COX11: variants seen among roughly 807,000 people sequenced by gnomAD.
COX11 encodes cytochrome c oxidase assembly protein COX11, mitochondrial.
COX11 carries 18 observed loss-of-function variants against 29.4 expected under a neutral mutation model. That is an observed-to-expected ratio of 0.61 (90% CI 0.42 to 0.91). The LOEUF (loss-of-function observed/expected upper bound fraction) is 0.91. COX11 is among the 40% of genes least tolerant of loss of function. The pLI is 0.00. For missense variants in COX11, 312 were observed against 346.0 expected, an observed-to-expected ratio of 0.90 and a Z score of 0.78; for synonymous variants, 131 against 124.0, an observed-to-expected ratio of 1.06 and a Z score of -0.38.
At chr17:54,952,703 G>C (rs2049298032) in exon 1 of COX11, 1 of 152,084 alleles carries the variant, frequency 6.6e-6, no homozygotes. Context: ...CCTCCTCCCT[G>C]TTCTGCTAAG....
rs191922071 is a variant in COX11 at position 54,963,815 on chromosome 17, C to A, written c.523-384G>T. On this transcript the variant is annotated intron_variant, in intron 2 of 3. Coordinates refer to ENST00000299335, the MANE Select transcript of COX11 (RefSeq NM_004375.5). ...ATTGACTATTTTTTTTAAAAAGATA[C>A]CAACATTAAACTTACCTTAAAATCA... 1.0e-3 allele frequency among the ~76,000 whole-genome samples: 153 copies of A among 151,962 alleles called. 1 individual carries two copies. The highest frequency in any genetic ancestry group is 1.6e-3 in the Non-Finnish European group (111 of 67,870).
chr17:54,968,740 C>G (rs566917694), upstream of COX11: 87 of 1,434,772 alleles, frequency 6.1e-5, 1 homozygote, highest in South Asian at 1.2e-3. Context: ...TTGAGCCTGC[C>G]GCTGCCTTGG....
chr17:54,954,495 G>A (rs2049393978), exon 1 of COX11: 2 of 152,298 alleles, frequency 1.3e-5, no homozygotes, highest in South Asian at 4.1e-4. Context: ...TATTGCCATA[G>A]CAGGAGCCAC....
downstream of COX11, among the ~76,000 whole-genome samples, chr17:54,956,133 C>T (rs2049489581): frequency 6.6e-6 from 1 of 152,188 alleles, no homozygotes; most frequent in Non-Finnish European, 1.5e-5. Flanking sequence ...GACAACTCTC[C>T]ATGAGAACAC....
At chr17:54,956,293 T>C (rs8066750), downstream of COX11, among the ~76,000 whole-genome samples, 113,059 of 151,866 alleles carry the variant, frequency 0.74, 42,564 homozygotes, top group African/African-American at 0.84. Flanking sequence ...TATTGGGGTG[T>C]GCTACCATGC....
intron 1 of COX11, among the ~76,000 whole-genome samples, chr17:54,965,300 A>G (rs1053453730): frequency 6.6e-6 from 1 of 152,202 alleles, no homozygotes; most frequent in African/African-American, 2.4e-5. Context: ...GTCCTTTTCC[A>G]TATCACAGCT....
At chr17:54,957,595 G>T (rs1405553021), downstream of COX11, 3 of 152,128 alleles carry the variant, frequency 2.0e-5, no homozygotes, top group Non-Finnish European at 4.4e-5. Flanking sequence ...CTTTCTTTCT[G>T]GGGGTCAGAA....
chr17:54,964,127 C>T (rs936756689), intron 2 of COX11, among the ~76,000 whole-genome samples: 5 of 152,078 alleles, frequency 3.3e-5, no homozygotes, highest in African/African-American at 1.2e-4. Flanking sequence ...CTGGCTAATC[C>T]TCAATTAATG....
At position 54,961,373 on chromosome 17, in the gene COX11, G is replaced by T. The variant is rs1434705240; in HGVS notation, c.*1360C>A. 6.5e-7 allele frequency: 1 copy of T among 1,550,182 alleles called. No homozygotes were observed. The highest frequency in any genetic ancestry group is 2.4e-5 in the East Asian group (1 of 40,902). ...GGTGGCACATTTCTGCTATAATGAA[G>T]ATTAAATAGAATAACAGTTCCAGGA... On this transcript the variant is annotated 3_prime_UTR_variant, in exon 4 of 4. Coordinates refer to ENST00000299335, the MANE Select transcript of COX11 (RefSeq NM_004375.5).
At chr17:54,968,655 G>GAACT, upstream of COX11, 1 of 1,599,990 alleles carries the variant, frequency 6.3e-7, no homozygotes, top group Non-Finnish European at 8.5e-7. Context: ...ATAACCCTCT[G>GAACT]AACTAACACC....
intron 1 of COX11, 116 bp from the exon 2 acceptor site, chr17:54,964,968 T>A: frequency 1.1e-6 from 1 of 928,040 alleles, no homozygotes; most frequent in Non-Finnish European, 1.6e-6. Context: ...CAAGTTTACA[T>A]ATGGTAACTG....
At position 54,960,647 on chromosome 17, in the gene COX11, C is replaced by T. The variant is rs2077096926; in HGVS notation, c.*2086G>A. On this transcript the variant is annotated 3_prime_UTR_variant, in exon 4 of 4. Transcript: ENST00000299335. ...ACTGAGGTAAAGACTTCAACTTATACAACTTAATTCCATATTCCATATAAT... is the reference window on the plus strand; with the variant it reads ...ACTGAGGTAAAGACTTCAACTTATATAACTTAATTCCATATTCCATATAAT... The T allele has an allele frequency of 1.3e-6, 2 of 1,549,938 alleles. No homozygotes were observed. The highest frequency in any genetic ancestry group is 2.7e-5 in the African/African-American group (2 of 73,564).
At chr17:54,963,941 A>G (rs2077175611) in intron 2 of COX11, among the ~76,000 whole-genome samples, 1 of 152,130 alleles carries the variant, frequency 6.6e-6, no homozygotes, top group South Asian at 2.1e-4. Context: ...TCCAAAGGAT[A>G]TTCTGTCACT....
intron 3 of COX11, 179 bp downstream of exon 3, chr17:54,963,127 T>C (rs540081603): frequency 2.5e-6 from 2 of 792,216 alleles, no homozygotes; most frequent in East Asian, 5.5e-5. Context: ...TAAAAGCAGA[T>C]ATCCATTTGG....
intron 3 of COX11, 186 bp from the exon 4 acceptor site, chr17:54,963,101 G>A: frequency 1.3e-6 from 1 of 779,798 alleles, no homozygotes; most frequent in Non-Finnish European, 2.0e-6. Context: ...TAAGGATGAA[G>A]AACAAATTCT....
At chr17:54,955,374 G>T (rs2049446998), upstream of COX11, among the ~76,000 whole-genome samples, 1 of 152,168 alleles carries the variant, frequency 6.6e-6, no homozygotes, top group African/African-American at 2.4e-5. Flanking sequence ...CACACACACT[G>T]TTCATGTAAC....
intron 1 of COX11, among the ~76,000 whole-genome samples, chr17:54,967,233 TAGA>T (rs2077249443): frequency 6.6e-6 from 1 of 152,202 alleles, no homozygotes; most frequent in Non-Finnish European, 1.5e-5. Flanking sequence ...TGTGGATTTT[TAGA>T]AGCTGTCCAG....
At chr17:54,967,042 G>GCA (rs71159276) in intron 1 of COX11, among the ~76,000 whole-genome samples, 2,469 of 96,058 alleles carry the variant, frequency 0.026, 59 homozygotes, top group African/African-American at 0.065. Context: ...GCGCGCGCGC[G>GCA]CACACACACA....
Position 54,961,649 on chromosome 17 carries a change from G to A in COX11, c.*1084C>T, listed in dbSNP as rs2077127932. On this transcript the variant is annotated 3_prime_UTR_variant, in exon 4 of 4. Transcript: ENST00000299335. ...GTGAGAAACTGAATGTATTATTCAG[G>A]AAGAATACTGAGTGCCTTCATTTAA... 1 of 1,084,364 alleles carries A rather than the reference G, an allele frequency of 9.2e-7. No homozygotes were observed. Among genetic ancestry groups the A allele is most frequent in the African/African-American group, 1.7e-5 (1 of 59,548 alleles). The allele number at this position is 1,084,364 out of a possible 1,614,324, so 67.2% of individuals were successfully genotyped here. A position where few individuals can be genotyped will look rare whatever the true frequency, so the allele number is the denominator to read the frequency against.
Sources: allele counts gnomAD v4.1 joint callset (sites outside exome capture counted in the v4.1 genomes callset), GRCh38; gene constraint gnomAD v4.1.1; transcripts MANE v1.5; gene names NCBI Gene and HGNC (gene_info 2026-07-23, HGNC 2026-07-21).